ARMH4: variants seen among roughly 807,000 people sequenced by gnomAD.
ARMH4 encodes armadillo-like helical domain-containing protein 4.
ARMH4 carries 49 observed loss-of-function variants against 61.9 expected under a neutral mutation model. That is an observed-to-expected ratio of 0.79 (90% CI 0.63 to 1.00). The LOEUF is 1.00. Among genes scored for constraint, ARMH4 ranks in the 50% least tolerant of loss-of-function variants. The pLI is 0.00. For synonymous variants in ARMH4, 368 were observed against 341.5 expected, an observed-to-expected ratio of 1.08 and a Z score of -0.85; for missense variants, 934 against 930.0, an observed-to-expected ratio of 1.00 and a Z score of -0.06.
At chr14:58,022,887 A>T (rs1157610292) in intron 5 of ARMH4, among the ~76,000 whole-genome samples, 4 of 152,198 alleles carry the variant, frequency 2.6e-5, no homozygotes, top group Non-Finnish European at 5.9e-5. Flanking sequence ...TGTCACACAA[A>T]TTTTTTGGTT....
At chr14:58,053,530 A>G (rs1884219108) in intron 5 of ARMH4, among the ~76,000 whole-genome samples, 1 of 151,972 alleles carries the variant, frequency 6.6e-6, no homozygotes, top group African/African-American at 2.4e-5. Flanking sequence ...TTCTCTATAT[A>G]TCTCGGTTCA....
intron 5 of ARMH4, among the ~76,000 whole-genome samples, chr14:58,045,571 C>T (rs1454016714): frequency 6.6e-6 from 1 of 151,520 alleles, no homozygotes; most frequent in Non-Finnish European, 1.5e-5. Context: ...TGTAACAAAC[C>T]TGCACGTTCT....
intron 5 of ARMH4, among the ~76,000 whole-genome samples, chr14:58,054,924 C>T (rs1035276068): frequency 6.6e-6 from 1 of 151,196 alleles, no homozygotes; most frequent in East Asian, 1.9e-4. Flanking sequence ...CCATACCTCA[C>T]CATTTAATTT....
intron 5 of ARMH4, among the ~76,000 whole-genome samples, chr14:58,014,005 C>A (rs960226607): frequency 1.3e-5 from 2 of 148,890 alleles, no homozygotes; most frequent in Non-Finnish European, 3.0e-5. Flanking sequence ...GCCTGGGCAA[C>A]AGAGTAAGAC....
intron 5 of ARMH4, among the ~76,000 whole-genome samples, chr14:58,077,551 G>T (rs1040663108): frequency 6.6e-6 from 1 of 152,210 alleles, no homozygotes; most frequent in Non-Finnish European, 1.5e-5. Context: ...AGGTTGTAAT[G>T]AGATGTGTTT....
At chr14:58,024,664 G>C (rs1191731160) in intron 5 of ARMH4, among the ~76,000 whole-genome samples, 1 of 152,140 alleles carries the variant, frequency 6.6e-6, no homozygotes, top group Non-Finnish European at 1.5e-5. Flanking sequence ...CTTTCAACAT[G>C]CCTTCCCCAC....
chr14:58,057,414 A>G (rs1884380240), intron 5 of ARMH4, among the ~76,000 whole-genome samples: 1 of 152,210 alleles, frequency 6.6e-6, no homozygotes, highest in South Asian at 2.1e-4. Flanking sequence ...ATTGTCTTCA[A>G]TTTACAGATG....
intron 1 of ARMH4, among the ~76,000 whole-genome samples, chr14:58,143,533 G>C (rs546977284): frequency 3.3e-5 from 5 of 151,988 alleles, no homozygotes; most frequent in South Asian, 2.1e-4. Flanking sequence ...ATGCCATCTC[G>C]GCTCGCTGCA....
intron 5 of ARMH4, among the ~76,000 whole-genome samples, chr14:58,013,570 G>A (rs964499983): frequency 6.6e-6 from 1 of 152,060 alleles, no homozygotes; most frequent in African/African-American, 2.4e-5. Context: ...AAATACTGAT[G>A]ATGGCTAGCA....
chr14:58,022,575 C>T (rs10130984), intron 5 of ARMH4, among the ~76,000 whole-genome samples: 39,551 of 151,898 alleles, frequency 0.26, 5,315 homozygotes, highest in Non-Finnish European at 0.3. Flanking sequence ...TCATTAGCAT[C>T]TCCTCTATTG....
intron 5 of ARMH4, among the ~76,000 whole-genome samples, chr14:58,041,264 C>T (rs1183024392): frequency 6.6e-6 from 1 of 152,168 alleles, no homozygotes; most frequent in Non-Finnish European, 1.5e-5. Context: ...ACTCCCACCC[C>T]AATACTGCAC....
intron 5 of ARMH4, among the ~76,000 whole-genome samples, chr14:58,042,118 T>C (rs2141184261): frequency 6.6e-6 from 1 of 152,070 alleles, no homozygotes; most frequent in East Asian, 1.9e-4. Context: ...TACAGAACTC[T>C]CCACCCCAAG....
intron 5 of ARMH4, among the ~76,000 whole-genome samples, chr14:58,092,584 G>A (rs924942907): frequency 2.4e-4 from 36 of 152,194 alleles, no homozygotes; most frequent in African/African-American, 8.0e-4. Flanking sequence ...TGGCAGGGTT[G>A]CATTCCTTCC....
intron 2 of ARMH4, among the ~76,000 whole-genome samples, chr14:58,135,792 A>T (rs1024552990): frequency 1.3e-5 from 2 of 152,188 alleles, no homozygotes; most frequent in Non-Finnish European, 2.9e-5. Flanking sequence ...TAATGTCCTA[A>T]GTGGTCCCTG....
At chr14:58,119,905 A>G (rs1183599956) in intron 4 of ARMH4, among the ~76,000 whole-genome samples, 1 of 152,160 alleles carries the variant, frequency 6.6e-6, no homozygotes, top group African/African-American at 2.4e-5. Context: ...CACTCTTTAG[A>G]ATTTTTTCCA....
At position 58,029,971 on chromosome 14, in the gene ARMH4, T is replaced by C. The variant is rs557671917; in HGVS notation, c.2090-17821A>G. ...AATAACCCAAATGTCCATCAACTGATTGATAAACAAAATGCGGTATAGACA... is the reference window on the plus strand; with the variant it reads ...AATAACCCAAATGTCCATCAACTGACTGATAAACAAAATGCGGTATAGACA... On this transcript the variant is annotated intron_variant, in intron 5 of 7. Coordinates refer to ENST00000267485, the MANE Select transcript of ARMH4 (RefSeq NM_001001872.4). 1.7e-4 allele frequency among the ~76,000 whole-genome samples: 26 copies of C among 152,332 alleles called. No individual in the cohort carries two copies. In the South Asian group the frequency reaches 1.9e-3, roughly 11 times the overall value.
chr14:58,139,374 G>A lies in ARMH4; in HGVS notation c.-16C>T. On this transcript the variant is annotated 5_prime_UTR_variant, in exon 2 of 8. Transcript: ENST00000267485. ...GTCCTCTCATAGTGGAAGAGAAATGGCACGTACACTGGCAGAGTTGACAAG... is the reference window on the plus strand; with the variant it reads ...GTCCTCTCATAGTGGAAGAGAAATGACACGTACACTGGCAGAGTTGACAAG... 3 of 1,611,998 alleles carry A rather than the reference G, an allele frequency of 1.9e-6. No individual in the cohort carries two copies. The highest frequency in any genetic ancestry group is 2.5e-6 in the Non-Finnish European group (3 of 1,179,396).
chr14:58,046,152 T>C (rs773834324), intron 5 of ARMH4, among the ~76,000 whole-genome samples: 5 of 152,232 alleles, frequency 3.3e-5, no homozygotes, highest in Admixed American at 6.5e-5. Context: ...TGCCTCATTA[T>C]GCACATTCCT....
chr14:58,084,974 G>T (rs1211642563), intron 5 of ARMH4, among the ~76,000 whole-genome samples: 1 of 152,168 alleles, frequency 6.6e-6, no homozygotes, highest in Non-Finnish European at 1.5e-5. Context: ...TTCGCTTTAA[G>T]GCTTTAGCAT....
Sources: allele counts gnomAD v4.1 joint callset (sites outside exome capture counted in the v4.1 genomes callset), GRCh38; gene constraint gnomAD v4.1.1; transcripts MANE v1.5; gene names NCBI Gene and HGNC (gene_info 2026-07-23, HGNC 2026-07-21).